The following SNX29 variants were observed in gnomAD, a reference collection of about 807,000 sequenced individuals.
SNX29 encodes sorting nexin-29.
Under a neutral mutation model 102.1 loss-of-function variants are expected in SNX29, and 78 were observed. That is an observed-to-expected ratio of 0.76 (90% CI 0.64 to 0.92). The LOEUF (loss-of-function observed/expected upper bound fraction) is 0.92. Among genes scored for constraint, SNX29 ranks in the 40% least tolerant of loss-of-function variants. The pLI is 0.00. For synonymous variants in SNX29, 580 were observed against 414.5 expected, an observed-to-expected ratio of 1.40 and a Z score of -4.85; for missense variants, 1,280 against 1,061.7, an observed-to-expected ratio of 1.21 and a Z score of -2.86.
chr16:12,505,484 A>G (rs2089330304), intron 19 of SNX29, among the ~76,000 whole-genome samples: 1 of 152,146 alleles, frequency 6.6e-6, no homozygotes, highest in South Asian at 2.1e-4. Flanking sequence ...AAACATCCTT[A>G]TGCCAGTTCC....
intron 20 of SNX29, among the ~76,000 whole-genome samples, chr16:12,543,620 CCCAGTGCT>C (rs2077445913): frequency 6.6e-6 from 1 of 151,986 alleles, no homozygotes; most frequent in South Asian, 2.1e-4. Context: ...TGGGCAGTGC[CCCAGTGCT>C]CCGCAGCTGG....
chr16:12,109,127 C>CAAAAAAAAAA (rs71139575), intron 11 of SNX29, among the ~76,000 whole-genome samples: 5 of 33,310 alleles, frequency 1.5e-4, no homozygotes, highest in African/African-American at 7.0e-4. Flanking sequence ...GGCGCTGTCT[C>CAAAAAAAAAA]AAAAAAAAAA....
intron 16 of SNX29, among the ~76,000 whole-genome samples, chr16:12,371,319 G>C (rs1330414639): frequency 6.6e-6 from 1 of 151,292 alleles, no homozygotes; most frequent in Non-Finnish European, 1.5e-5. Context: ...CCTAAATAGA[G>C]ACAGGGTCTT....
At chr16:12,520,488 C>G (rs911506739) in intron 19 of SNX29, among the ~76,000 whole-genome samples, 1 of 152,182 alleles carries the variant, frequency 6.6e-6, no homozygotes, top group East Asian at 1.9e-4. Flanking sequence ...AATTCAGTGA[C>G]CAGCCTTGGC....
intron 16 of SNX29, chr16:12,372,592 A>T (rs901021369): frequency 1.3e-5 from 2 of 152,214 alleles, no homozygotes; most frequent in Non-Finnish European, 2.9e-5. Flanking sequence ...CAGTAGTTGA[A>T]TGAAAGAATG....
intron 14 of SNX29, among the ~76,000 whole-genome samples, chr16:12,212,839 C>T (rs545557031): frequency 1.1e-4 from 16 of 152,290 alleles, no homozygotes; most frequent in Middle Eastern, 3.4e-3. Context: ...AAGGGCTGGG[C>T]GCTGTGGCTC....
chr16:12,333,548 C>G (rs973505041), intron 15 of SNX29, among the ~76,000 whole-genome samples: 1 of 152,074 alleles, frequency 6.6e-6, no homozygotes, highest in Non-Finnish European at 1.5e-5. Flanking sequence ...ATTCAGTGTA[C>G]CTTTGTTCAT....
chr16:12,446,359 T>C (rs1370313483), intron 18 of SNX29, among the ~76,000 whole-genome samples: 3 of 152,132 alleles, frequency 2.0e-5, no homozygotes, highest in African/African-American at 4.8e-5. Flanking sequence ...CCTGGCCCCA[T>C]TTGTTTTTGA....
At chr16:12,338,539 A>G (rs1423176766) in intron 15 of SNX29, among the ~76,000 whole-genome samples, 3 of 152,214 alleles carry the variant, frequency 2.0e-5, no homozygotes, top group South Asian at 2.1e-4. Flanking sequence ...GGAAATCTGT[A>G]TCATTAAAGT....
At chr16:12,055,905 C>G (rs1406600933) in intron 8 of SNX29, among the ~76,000 whole-genome samples, 1 of 150,506 alleles carries the variant, frequency 6.6e-6, no homozygotes, top group African/African-American at 2.5e-5. Flanking sequence ...TTTTCTGGAA[C>G]AGAGTCTTAC....
chr16:12,520,381 C>T (rs2090052218), intron 19 of SNX29, among the ~76,000 whole-genome samples: 1 of 152,196 alleles, frequency 6.6e-6, no homozygotes, highest in African/African-American at 2.4e-5. Flanking sequence ...TGAAAGTTGT[C>T]TTCTGTACTG....
chr16:12,046,696 T>G (rs1213190516), intron 6 of SNX29, among the ~76,000 whole-genome samples: 1 of 152,236 alleles, frequency 6.6e-6, no homozygotes, highest in Non-Finnish European at 1.5e-5. Context: ...CTCGGCTCAC[T>G]GCAACCTCCG....
chr16:12,069,388 C>T (rs1035024125), intron 10 of SNX29, among the ~76,000 whole-genome samples: 1 of 151,806 alleles, frequency 6.6e-6, no homozygotes, highest in Non-Finnish European at 1.5e-5. Flanking sequence ...GCCTGAGCCT[C>T]CCAAGTAGTT....
chr16:12,557,515 C>T (rs1464588551), intron 20 of SNX29: 1 of 152,102 alleles, frequency 6.6e-6, no homozygotes, highest in Non-Finnish European at 1.5e-5. Flanking sequence ...GAACACACCA[C>T]CTCTCCCAAC....
chr16:12,054,160 G>A (rs1174376319), intron 8 of SNX29, among the ~76,000 whole-genome samples: 2 of 152,100 alleles, frequency 1.3e-5, no homozygotes, highest in African/African-American at 2.4e-5. Flanking sequence ...TAGAGACAGG[G>A]TTTCACCCTG....
chr16:12,469,389 C>G (rs2087228494), intron 18 of SNX29, among the ~76,000 whole-genome samples: 1 of 152,212 alleles, frequency 6.6e-6, no homozygotes. Context: ...TGTTAGGATA[C>G]ATTAACACAG....
At chr16:12,269,754 A>G (rs2079034631) in intron 14 of SNX29, among the ~76,000 whole-genome samples, 1 of 152,206 alleles carries the variant, frequency 6.6e-6, no homozygotes, top group Non-Finnish European at 1.5e-5. Context: ...TATCATCGAC[A>G]TGAATAGAGA....
chr16:12,404,049 CTG>C (rs2084067430), intron 18 of SNX29, among the ~76,000 whole-genome samples: 1 of 152,292 alleles, frequency 6.6e-6, no homozygotes, highest in Non-Finnish European at 1.5e-5. Flanking sequence ...GTGACGGACT[CTG>C]TGACTGGCCT....
At chr16:12,550,524 C>T (rs1281648909) in intron 20 of SNX29, among the ~76,000 whole-genome samples, 1 of 110,196 alleles carries the variant, frequency 9.1e-6, no homozygotes, top group Non-Finnish European at 1.8e-5. Flanking sequence ...GACACAGTCT[C>T]AATCTACAAA....
Sources: gnomAD v4.1 joint callset for allele counts (sites outside exome capture counted in the v4.1 genomes callset) on GRCh38, gnomAD v4.1.1 for gene constraint, MANE v1.5 for transcripts, NCBI Gene and HGNC (gene_info 2026-07-23, HGNC 2026-07-21) for gene names.